MPPED1: variants seen among roughly 807,000 people sequenced by gnomAD.
The protein encoded by MPPED1 is metallophosphoesterase domain containing 1, also known as metallophosphoesterase domain-containing protein 1.
MPPED1 carries 16 observed loss-of-function variants against 36.2 expected under a neutral mutation model. The observed-to-expected ratio is 0.44, with a 90% CI of 0.30 to 0.67. MPPED1 has a LOEUF of 0.67. MPPED1 is among the 30% of genes least tolerant of loss of function. The pLI is 0.10. For missense variants in MPPED1, 307 were observed against 453.4 expected, an observed-to-expected ratio of 0.68 and a Z score of 2.93; for synonymous variants, 199 against 191.3, an observed-to-expected ratio of 1.04 and a Z score of -0.33.
intron 6 of MPPED1, 45 bp from the exon 7 acceptor site, chr22:43,505,453 C>A: frequency 6.5e-7 from 1 of 1,544,708 alleles, no homozygotes; most frequent in Non-Finnish European, 8.8e-7. Context: ...TGGCCACCCT[C>A]ACTACTCTGG....
chr22:43,425,118 A>G lies in MPPED1; in HGVS notation c.133A>G (p.Ile45Val), dbSNP rs1282418843. ...GCGGCACCAGCACAGCCGGCTCATC[A>G]TCGAGGTGGACGAGTACAGCTCCAA... ...ARRHQHSRLI[I>V]EVDEYSSNPT... is the part of the protein sequence containing the mutation. The change falls in exon 2 of 7, where the codon ATC (isoleucine) becomes GTC (valine). Residue 45 changes from isoleucine (I) to valine (V), a missense_variant. Physicochemically the swap from Ile to Val is conservative, Grantham distance 29. This residue lies in a region of MPPED1 where 169 missense variants were observed against 212.3 expected (regional missense o/e 0.80). Transcript: ENST00000443721. 6.2e-7 allele frequency: 1 copy of G among 1,613,702 alleles called. No individual in the cohort carries two copies. The highest frequency in any genetic ancestry group is 1.3e-5 in the African/African-American group (1 of 74,930).
intron 3 of MPPED1, among the ~76,000 whole-genome samples, chr22:43,451,923 G>A (rs979738156): frequency 1.3e-5 from 2 of 150,972 alleles, no homozygotes; most frequent in Non-Finnish European, 3.0e-5. Context: ...TGCTCCTGCC[G>A]GAGTGCCAAT....
chr22:43,450,475 G>C (rs114507440), intron 3 of MPPED1, among the ~76,000 whole-genome samples: 3,161 of 152,332 alleles, frequency 0.021, 117 homozygotes, highest in African/African-American at 0.073. Context: ...TTTGGATCCT[G>C]GCTCTGCTCT....
In MPPED1 at chr22:43,507,355, C is replaced by A; in HGVS notation, c.*1739C>A. The A allele has an allele frequency of 6.6e-6, 1 of 152,398 alleles. No homozygotes were observed. The highest frequency in any genetic ancestry group is 1.5e-5 in the Non-Finnish European group (1 of 68,090). 9.4% of individuals were successfully genotyped at this position (152,398 alleles called of 1,614,324 possible). On this transcript the variant is annotated 3_prime_UTR_variant, in exon 7 of 7. Transcript: ENST00000443721. ...ATCCTAGCATCCTGGGAGTCCTTTT[C>A]TGCCCACACTGAGCTGGGCTCCTCG...
chr22:43,414,989 T>C (rs546792022), intron 1 of MPPED1, among the ~76,000 whole-genome samples: 1 of 151,916 alleles, frequency 6.6e-6, no homozygotes, highest in Non-Finnish European at 1.5e-5. Context: ...CCTCACCCTC[T>C]AGGACCAGAA....
At chr22:43,496,981 G>A (rs1315188550) in intron 4 of MPPED1, among the ~76,000 whole-genome samples, 2 of 128,416 alleles carry the variant, frequency 1.6e-5, no homozygotes, top group East Asian at 2.4e-4. Context: ...TGGTGGTGGA[G>A]GTAGTGGTGG....
At chr22:43,440,727 T>G (rs150036365) in intron 3 of MPPED1, among the ~76,000 whole-genome samples, 47 of 152,032 alleles carry the variant, frequency 3.1e-4, no homozygotes, top group Middle Eastern at 3.4e-3. Flanking sequence ...AGCCCTCACT[T>G]CACCCCTAGC....
chr22:43,495,067 G>A (rs752680797), intron 4 of MPPED1, among the ~76,000 whole-genome samples: 2 of 152,064 alleles, frequency 1.3e-5, no homozygotes, highest in Admixed American at 6.5e-5. Context: ...ATTAATTTTG[G>A]GGGGATGCAA....
At chr22:43,484,231 G>A (rs742837) in intron 4 of MPPED1, among the ~76,000 whole-genome samples, 4,292 of 152,340 alleles carry the variant, frequency 0.028, 206 homozygotes, top group African/African-American at 0.099. Context: ...GCATTCGGCC[G>A]ACTGCCCCGT....
At position 43,432,904 on chromosome 22, in the gene MPPED1, GGGAAAGAGAA is replaced by G; in HGVS notation, c.225-2129_225-2120del. Reference sequence around the variant, plus strand: ...GAAAGAGAAAGGGAGGAGAGAGAGAGGGAAAGAGAAAGGGAGGAGAGAGAGAGGGAAAGAG... The same window carrying G: ...GAAAGAGAAAGGGAGGAGAGAGAGAGAGGGAGGAGAGAGAGAGGGAAAGAG... On this transcript the variant is annotated intron_variant, in intron 2 of 6. Coordinates refer to ENST00000443721, the MANE Select transcript of MPPED1 (RefSeq NM_001044370.2). 2.0e-4 allele frequency among the ~76,000 whole-genome samples: 13 copies of G among 64,042 alleles called. 3 individuals are homozygous for G. Among genetic ancestry groups the G allele is most frequent in the Non-Finnish European group, 5.0e-4 (11 of 22,154 alleles). The allele number at this position is 64,042 out of a possible 152,430, so 42.0% of individuals were successfully genotyped here. A position where few individuals can be genotyped will look rare whatever the true frequency, so the allele number is the denominator to read the frequency against.
intron 3 of MPPED1, among the ~76,000 whole-genome samples, chr22:43,466,514 A>T (rs1931177374): frequency 6.6e-6 from 1 of 152,198 alleles, no homozygotes; most frequent in Non-Finnish European, 1.5e-5. Flanking sequence ...AAAATGGCTA[A>T]CATCCAGGTT....
intron 3 of MPPED1, among the ~76,000 whole-genome samples, chr22:43,446,054 A>G (rs1282645988): frequency 4.7e-5 from 7 of 147,752 alleles, no homozygotes; most frequent in African/African-American, 1.8e-4. Flanking sequence ...TATTTTTTGT[A>G]GAGACGGGGT....
chr22:43,471,465 C>T (rs749704758), intron 3 of MPPED1, among the ~76,000 whole-genome samples: 35 of 152,306 alleles, frequency 2.3e-4, no homozygotes, highest in Admixed American at 4.6e-4. Context: ...CCTCCACAGC[C>T]GTGGGGCCTG....
chr22:43,419,856 C>T (rs1322716746), intron 1 of MPPED1, among the ~76,000 whole-genome samples: 1 of 152,144 alleles, frequency 6.6e-6, no homozygotes, highest in Non-Finnish European at 1.5e-5. Context: ...GGTGTCTTGG[C>T]TGACACCCAG....
At chr22:43,447,877 ATATATATT>A (rs1326650397) in intron 3 of MPPED1, among the ~76,000 whole-genome samples, 10 of 32,486 alleles carry the variant, frequency 3.1e-4, no homozygotes, top group African/African-American at 1.3e-3. Flanking sequence ...ATATATATAT[ATATATATT>A]TTTTTTTTTT....
In MPPED1 at chr22:43,502,047, T is replaced by C. The variant is rs1932749619; in HGVS notation, c.749-597T>C. On this transcript the variant is annotated intron_variant, in intron 5 of 6. Transcript: ENST00000443721. This position sits in a 1 kb window ranked among gnomAD's most constrained non-coding sequence, Gnocchi z 5.5. ...CGTTTGTGTAGCCATGTGAGGATAA[T>C]AAGCAGCCACCATCTGGGCGGCTCC... 6.6e-6 allele frequency among the ~76,000 whole-genome samples: 1 copy of C among 152,100 alleles called. No individual in the cohort carries two copies. The highest frequency in any genetic ancestry group is 2.1e-4 in the South Asian group (1 of 4,828).
rs557745069 is a variant in MPPED1, at chr22:43,497,322, A to T, written c.633-913A>T. ...GATTCTGATGCTTTTGTTGCAAATG[A>T]CTGAAAACCCAGTTCAAATGGCTTT... is the stretch of plus-strand genomic sequence containing the variant. On this transcript the variant is annotated intron_variant, in intron 4 of 6. Coordinates refer to ENST00000443721, the MANE Select transcript of MPPED1 (RefSeq NM_001044370.2). 1.2e-4 allele frequency among the ~76,000 whole-genome samples: 18 copies of T among 152,070 alleles called. No homozygotes were observed. The East Asian group carries it at 3.5e-3, about 29-fold the overall frequency.
intron 4 of MPPED1, among the ~76,000 whole-genome samples, chr22:43,495,538 GAT>G: frequency 7.8e-5 from 7 of 89,476 alleles, no homozygotes; most frequent in Admixed American, 1.2e-4. Flanking sequence ...TGGTGGTGGA[GAT>G]GGTGGTGGTG....
intron 5 of MPPED1, among the ~76,000 whole-genome samples, chr22:43,498,800 C>T (rs1266376984): frequency 1.3e-5 from 2 of 152,070 alleles, no homozygotes; most frequent in African/African-American, 4.8e-5. Context: ...TCTCTGCCCC[C>T]ACCCCACCAC....
Sources: allele counts gnomAD v4.1 joint callset (sites outside exome capture counted in the v4.1 genomes callset), GRCh38; gene constraint gnomAD v4.1.1; regional missense constraint gnomAD v4.1.1; non-coding constraint Gnocchi (gnomAD v3.1); transcripts MANE v1.5; gene names NCBI Gene and HGNC (gene_info 2026-07-23, HGNC 2026-07-21).